CPNE4: variants seen among roughly 807,000 people sequenced by gnomAD.
CPNE4 encodes the protein copine-4.
A neutral mutation model predicts 67.9 loss-of-function variants in CPNE4; 25 were observed. That is an observed-to-expected ratio of 0.37 (90% CI 0.27 to 0.51). CPNE4 has a LOEUF of 0.51. Among genes scored for constraint, CPNE4 ranks in the 20% least tolerant of loss-of-function variants. The pLI is 0.93. For synonymous variants in CPNE4, 242 were observed against 244.9 expected (o/e 0.99, Z 0.11); for missense variants, 464 against 690.8 (o/e 0.67, Z 3.68).
intron 8 of CPNE4, among the ~76,000 whole-genome samples, chr3:131,582,877 T>C (rs909746754): frequency 6.6e-5 from 10 of 152,182 alleles, no homozygotes; most frequent in African/African-American, 1.7e-4. Flanking sequence ...TGGAGCACTA[T>C]GTGAAGCAGA....
chr3:132,002,089 C>G (rs1370414486), intron 1 of CPNE4, among the ~76,000 whole-genome samples: 1 of 152,130 alleles, frequency 6.6e-6, no homozygotes, highest in Non-Finnish European at 1.5e-5. Flanking sequence ...TAATAAAAAT[C>G]TGTTAGGCTG....
At chr3:131,978,068 A>AATATATATATAAATATATATAAAT (rs1404235778) in intron 1 of CPNE4, among the ~76,000 whole-genome samples, 4 of 35,786 alleles carry the variant, frequency 1.1e-4, no homozygotes, top group Non-Finnish European at 1.8e-4. Flanking sequence ...AATATATATA[A>AATATATATATAAATATATATAAAT]ATATATATAA....
chr3:132,026,590 T>G (rs867192851), intron 1 of CPNE4, among the ~76,000 whole-genome samples: 15 of 152,218 alleles, frequency 9.9e-5, no homozygotes, highest in Non-Finnish European at 1.9e-4. Context: ...ACTATTAATA[T>G]CTAACCCACA....
chr3:131,565,413 T>A (rs2653792), intron 10 of CPNE4, among the ~76,000 whole-genome samples: 2 of 152,172 alleles, frequency 1.3e-5, no homozygotes, highest in East Asian at 3.9e-4. Context: ...TGTGTTATAT[T>A]TGGTAAATTT....
chr3:132,038,295 T>C (rs903579723), upstream of CPNE4, among the ~76,000 whole-genome samples: 2 of 152,176 alleles, frequency 1.3e-5, no homozygotes, highest in Non-Finnish European at 2.9e-5. Flanking sequence ...TGAACATACA[T>C]GTTGCAAGCT....
chr3:131,632,937 G>C (rs953944424), intron 7 of CPNE4, among the ~76,000 whole-genome samples: 3 of 152,132 alleles, frequency 2.0e-5, no homozygotes, highest in Non-Finnish European at 2.9e-5. Flanking sequence ...CACTGACCTA[G>C]ATGATCCCGT....
chr3:132,000,498 AAAT>A (rs202065033), intron 1 of CPNE4, among the ~76,000 whole-genome samples: 1 of 150,672 alleles, frequency 6.6e-6, no homozygotes, highest in Non-Finnish European at 1.5e-5. Context: ...ATAATAAAAT[AAAT>A]AATAAATAAA....
chr3:131,743,451 C>CA (rs1474449166), intron 2 of CPNE4, among the ~76,000 whole-genome samples: 4 of 151,990 alleles, frequency 2.6e-5, no homozygotes, highest in Non-Finnish European at 5.9e-5. Flanking sequence ...TACCAAAACC[C>CA]AAAAAAGTAG....
At chr3:131,942,449 TGTGTGTGTGTGTGTGAGAGAGAGAGA>T (rs1282238028) in intron 1 of CPNE4, among the ~76,000 whole-genome samples, 13 of 61,780 alleles carry the variant, frequency 2.1e-4, no homozygotes, top group African/African-American at 9.6e-4. Flanking sequence ...TGTGTGTGTG[TGTGTGTGTGTGTGTGAGAGAGAGAGA>T]GAGAGAGAGA....
chr3:131,746,279 C>T (rs1353796714), intron 2 of CPNE4, among the ~76,000 whole-genome samples: 1 of 152,074 alleles, frequency 6.6e-6, no homozygotes, highest in Non-Finnish European at 1.5e-5. Context: ...GTAATTAGAA[C>T]ATTAAAATCA....
At chr3:131,671,022 G>C (rs1402326264) in intron 6 of CPNE4, among the ~76,000 whole-genome samples, 1 of 152,060 alleles carries the variant, frequency 6.6e-6, no homozygotes, top group Non-Finnish European at 1.5e-5. Context: ...TACTGACCTC[G>C]GGTGATCCAC....
chr3:131,709,148 T>G (rs1039064555), intron 3 of CPNE4, among the ~76,000 whole-genome samples: 1 of 151,920 alleles, frequency 6.6e-6, no homozygotes, highest in Admixed American at 6.6e-5. Context: ...TTTTATTAGT[T>G]ATCTCTCAAT....
At chr3:131,762,594 G>A (rs2082915870) in intron 2 of CPNE4, among the ~76,000 whole-genome samples, 1 of 152,008 alleles carries the variant, frequency 6.6e-6, no homozygotes, top group African/African-American at 2.4e-5. Context: ...GTAGATTCAT[G>A]GAATTTATAT....
chr3:131,780,013 G>C lies in CPNE4; in HGVS notation c.181-56388C>G, dbSNP rs560716789. ...AAAAAACAACCTGCATTAAAAAATG[G>C]GCAAAGGACATGAACAAACACTTCT... is the stretch of plus-strand genomic sequence containing the variant. On this transcript the variant is annotated intron_variant, in intron 2 of 15. Coordinates refer to ENST00000429747, the MANE Select transcript of CPNE4 (RefSeq NM_130808.3). 3.9e-5 allele frequency among the ~76,000 whole-genome samples: 6 copies of C among 152,088 alleles called. No individual in the cohort carries two copies. The East Asian group carries it at 5.8e-4, about 15-fold the overall frequency.
intron 7 of CPNE4, among the ~76,000 whole-genome samples, chr3:131,640,847 C>T (rs1159995085): frequency 1.3e-5 from 2 of 152,008 alleles, no homozygotes; most frequent in Admixed American, 6.6e-5. Context: ...GAATAGAGAA[C>T]CCAGAAATAA....
At chr3:131,627,997 G>C (rs968823681) in intron 7 of CPNE4, among the ~76,000 whole-genome samples, 2 of 152,220 alleles carry the variant, frequency 1.3e-5, no homozygotes, top group Non-Finnish European at 2.9e-5. Flanking sequence ...GACAGGGTTT[G>C]AGAGGATTAA....
chr3:131,583,306 C>T (rs1021760763), intron 8 of CPNE4, among the ~76,000 whole-genome samples: 9 of 152,092 alleles, frequency 5.9e-5, no homozygotes, highest in Admixed American at 1.3e-4. Flanking sequence ...AATTATAGTC[C>T]ATCTCAAAGT....
In CPNE4 at chr3:131,803,057, C is replaced by T. The variant is rs774737245; in HGVS notation, c.181-79432G>A. 2.0e-5 allele frequency among the ~76,000 whole-genome samples: 3 copies of T among 152,048 alleles called. No individual in the cohort carries two copies. The South Asian group carries it at 6.2e-4, about 32-fold the overall frequency. On this transcript the variant is annotated intron_variant, in intron 2 of 15. Transcript: ENST00000429747. Reference sequence around the variant, plus strand: ...CTAAGTTATCTATCCAATTCAGTTTCCAGGGAGGTAGTGAAAGGTTACAAA... The same window carrying T: ...CTAAGTTATCTATCCAATTCAGTTTTCAGGGAGGTAGTGAAAGGTTACAAA...
At chr3:131,935,152 T>C (rs1447004442) in intron 1 of CPNE4, among the ~76,000 whole-genome samples, 1 of 152,164 alleles carries the variant, frequency 6.6e-6, no homozygotes, top group Non-Finnish European at 1.5e-5. Flanking sequence ...CCATGTGTGA[T>C]TTTTTTCCAG....
Sources: allele counts gnomAD v4.1 joint callset (sites outside exome capture counted in the v4.1 genomes callset), GRCh38; gene constraint gnomAD v4.1.1; transcripts MANE v1.5; gene names NCBI Gene and HGNC (gene_info 2026-07-23, HGNC 2026-07-21).